SPIDR: variants seen among roughly 807,000 people sequenced by gnomAD.
SPIDR encodes the protein DNA repair-scaffolding protein.
In SPIDR, 93 loss-of-function variants were observed where a neutral mutation model predicts 104.6. The ratio of observed to expected loss-of-function variants is 0.89; its 90% CI spans 0.75 to 1.06. The LOEUF (loss-of-function observed/expected upper bound fraction) is 1.06, where lower values mean the gene tolerates loss of function less well. SPIDR is among the 50% of genes least tolerant of loss of function. The probability of loss-of-function intolerance (pLI) is 0.00; values close to 1 mark genes in which losing one functional copy is unlikely to be tolerated. For synonymous variants in SPIDR, 431 were observed against 416.9 expected, an observed-to-expected ratio of 1.03 and a Z score of -0.41; for missense variants, 1,154 against 1,111.2, an observed-to-expected ratio of 1.04 and a Z score of -0.55.
At chr8:47,488,710 T>G (rs1460958300) in intron 8 of SPIDR, among the ~76,000 whole-genome samples, 1 of 152,144 alleles carries the variant, frequency 6.6e-6, no homozygotes, top group Non-Finnish European at 1.5e-5. Flanking sequence ...CGCAAATCAA[T>G]AAATGTAATC....
At chr8:47,708,462 C>T (rs1169633825) in intron 14 of SPIDR, among the ~76,000 whole-genome samples, 1 of 152,176 alleles carries the variant, frequency 6.6e-6, no homozygotes, top group Admixed American at 6.5e-5. Context: ...ACAGCCTCCC[C>T]ATTATCAACA....
At chr8:47,532,631 A>G (rs1423266857) in intron 8 of SPIDR, among the ~76,000 whole-genome samples, 2 of 152,236 alleles carry the variant, frequency 1.3e-5, no homozygotes, top group African/African-American at 2.4e-5. Flanking sequence ...TTTAAAACAC[A>G]TAAGGCAAAA....
intron 5 of SPIDR, among the ~76,000 whole-genome samples, chr8:47,326,764 A>G (rs542696904): frequency 6.6e-6 from 1 of 152,292 alleles, no homozygotes; most frequent in Admixed American, 6.5e-5. Context: ...GTTCCTCCAC[A>G]TTGTAGCATG....
rs1173034839 is a variant in SPIDR, at chr8:47,318,119, G to A, written c.525+24089G>A. 2.6e-5 allele frequency among the ~76,000 whole-genome samples: 4 copies of A among 152,278 alleles called. No homozygotes were observed. The South Asian group carries it at 8.3e-4, about 32-fold the overall frequency. On this transcript the variant is annotated intron_variant, in intron 5 of 19. Coordinates refer to ENST00000297423, the MANE Select transcript of SPIDR (RefSeq NM_001080394.4). ...GAGTGACTTTGACGAGTTGAGAGAA[G>A]AAGGCTTCAGACGATCAAACTACTC...
intron 10 of SPIDR, among the ~76,000 whole-genome samples, chr8:47,608,114 T>C (rs1412168469): frequency 6.6e-6 from 1 of 152,192 alleles, no homozygotes; most frequent in African/African-American, 2.4e-5. Flanking sequence ...CAATTCCCAA[T>C]TCTTCCCAGC....
intron 10 of SPIDR, among the ~76,000 whole-genome samples, chr8:47,617,018 G>A (rs2064414126): frequency 6.6e-6 from 1 of 152,098 alleles, no homozygotes; most frequent in Non-Finnish European, 1.5e-5. Context: ...ATTTTGTAGA[G>A]GATCCCTTAT....
intron 5 of SPIDR, among the ~76,000 whole-genome samples, chr8:47,373,705 C>T (rs996959281): frequency 2.0e-5 from 3 of 152,106 alleles, no homozygotes; most frequent in Admixed American, 6.6e-5. Context: ...TAGGCCCAAA[C>T]TGCTATTATT....
Position 47,702,016 on chromosome 8 carries a change from GTAA to G in SPIDR, c.1977+6_1977+8del. 3 of 1,526,964 alleles carry G rather than the reference GTAA, an allele frequency of 2.0e-6. No homozygotes were observed. Among genetic ancestry groups the G allele is most frequent in the Non-Finnish European group, 2.7e-6 (3 of 1,128,728 alleles). 94.6% of individuals were successfully genotyped at this position (1,526,964 alleles called of 1,614,324 possible). On this transcript the variant is annotated splice_donor_variant and splice_donor_region_variant and intron_variant, in intron 14 of 19. Transcript: ENST00000297423. LOFTEE classifies it high-confidence loss of function. ...CACGGTGATTTACCAAAAACCACAG[GTAA>G]TAATCTCTCTCAATCTCTCAATCTC...
intron 10 of SPIDR, among the ~76,000 whole-genome samples, chr8:47,621,962 G>A (rs1375403866): frequency 6.6e-6 from 1 of 152,148 alleles, no homozygotes; most frequent in East Asian, 1.9e-4. Flanking sequence ...GAGATGGAGG[G>A]AAGTCATTGC....
intron 5 of SPIDR, among the ~76,000 whole-genome samples, chr8:47,302,570 G>A (rs2042299813): frequency 6.6e-6 from 1 of 152,106 alleles, no homozygotes; most frequent in South Asian, 2.1e-4. Flanking sequence ...CCCCATCTTT[G>A]TAGTTTTATG....
intron 7 of SPIDR, among the ~76,000 whole-genome samples, chr8:47,420,936 C>T (rs936584357): frequency 1.3e-5 from 2 of 152,192 alleles, no homozygotes; most frequent in Non-Finnish European, 2.9e-5. Context: ...TGAATATTGG[C>T]CCCCATTATC....
chr8:47,266,939 C>T (rs1334167709), intron 1 of SPIDR, among the ~76,000 whole-genome samples: 10 of 152,152 alleles, frequency 6.6e-5, no homozygotes, highest in African/African-American at 1.9e-4. Flanking sequence ...AAGCTACTTT[C>T]GGTGTGTATG....
At chr8:47,348,744 T>G (rs1297221044) in intron 5 of SPIDR, among the ~76,000 whole-genome samples, 3 of 152,232 alleles carry the variant, frequency 2.0e-5, no homozygotes, top group African/African-American at 7.2e-5. Flanking sequence ...ATGAATCGGC[T>G]GCTGAAGCTT....
chr8:47,263,863 T>C (rs541668258), intron 1 of SPIDR, among the ~76,000 whole-genome samples: 3 of 152,386 alleles, frequency 2.0e-5, no homozygotes, highest in African/African-American at 7.2e-5. Flanking sequence ...CTCTTACTAT[T>C]CCATGTCTTA....
intron 5 of SPIDR, among the ~76,000 whole-genome samples, chr8:47,379,872 T>A (rs1554644466): frequency 6.6e-6 from 1 of 152,198 alleles, no homozygotes. Context: ...GGCTGTCCAC[T>A]CACTGGTTAC....
chr8:47,390,087 A>T (rs1554650758), intron 5 of SPIDR, among the ~76,000 whole-genome samples: 1 of 152,084 alleles, frequency 6.6e-6, no homozygotes, highest in Admixed American at 6.5e-5. Flanking sequence ...AACATTTCAC[A>T]CCCATCAGAT....
intron 8 of SPIDR, among the ~76,000 whole-genome samples, chr8:47,544,615 T>C (rs2088897015): frequency 6.6e-6 from 1 of 152,234 alleles, no homozygotes; most frequent in African/African-American, 2.4e-5. Context: ...ACTTCTTCCC[T>C]TCAATGAATT....
chr8:47,432,369 C>CA (rs2067512080), intron 7 of SPIDR, among the ~76,000 whole-genome samples: 1 of 152,132 alleles, frequency 6.6e-6, no homozygotes, highest in Non-Finnish European at 1.5e-5. Context: ...TCTCTGGGTA[C>CA]ACGCAAAGTG....
At chr8:47,422,096 T>A (rs1046827487) in intron 7 of SPIDR, among the ~76,000 whole-genome samples, 3 of 152,190 alleles carry the variant, frequency 2.0e-5, no homozygotes, top group African/African-American at 7.2e-5. Context: ...TTCTCAGATC[T>A]CCAGCTGCGT....
Sources: gnomAD v4.1 joint callset for allele counts (sites outside exome capture counted in the v4.1 genomes callset) on GRCh38, gnomAD v4.1.1 for gene constraint, MANE v1.5 for transcripts, NCBI Gene and HGNC (gene_info 2026-07-23, HGNC 2026-07-21) for gene names.